Variants in NRG3 observed in about 807,000 individuals in gnomAD.
The protein encoded by NRG3 is pro-neuregulin-3, membrane-bound isoform.
Under a neutral mutation model 66.9 loss-of-function variants are expected in NRG3, and 31 were observed. The ratio of observed to expected loss-of-function variants is 0.46; its 90% CI spans 0.35 to 0.63. The LOEUF (loss-of-function observed/expected upper bound fraction) is 0.63. Ranked by LOEUF, NRG3 falls within the 20% of genes least tolerant of loss-of-function variation. NRG3 has a pLI of 0.00. For missense variants in NRG3, 910 were observed against 878.9 expected (o/e 1.04, Z -0.45); for synonymous variants, 393 against 359.4 (o/e 1.09, Z -1.06).
chr10:81,939,599 G>A (rs1848223480), intron 1 of NRG3, among the ~76,000 whole-genome samples: 1 of 150,616 alleles, frequency 6.6e-6, no homozygotes, highest in Non-Finnish European at 1.5e-5. Context: ...TATTTCTGTG[G>A]CATCAGTTGT....
At chr10:82,245,053 T>A (rs2077174166) in intron 1 of NRG3, among the ~76,000 whole-genome samples, 1 of 152,250 alleles carries the variant, frequency 6.6e-6, no homozygotes, top group South Asian at 2.1e-4. Context: ...TATTGTGCAC[T>A]TTATTTATAT....
intron 2 of NRG3, among the ~76,000 whole-genome samples, chr10:82,736,915 C>T (rs1214534239): frequency 1.3e-5 from 2 of 152,102 alleles, no homozygotes; most frequent in African/African-American, 4.8e-5. Context: ...ATAGCACATA[C>T]GTAGGACGTA....
chr10:81,998,708 T>G (rs992074018), intron 1 of NRG3, among the ~76,000 whole-genome samples: 1 of 152,228 alleles, frequency 6.6e-6, no homozygotes, highest in Admixed American at 6.5e-5. Flanking sequence ...CTCTATGCTT[T>G]CTCTCCTTTT....
intron 1 of NRG3, among the ~76,000 whole-genome samples, chr10:82,209,284 A>G (rs2075281346): frequency 6.6e-6 from 1 of 152,150 alleles, no homozygotes; most frequent in Non-Finnish European, 1.5e-5. Flanking sequence ...ATTTACCAAA[A>G]TCAAGATTCC....
At chr10:82,059,177 G>A (rs1352869422) in intron 1 of NRG3, among the ~76,000 whole-genome samples, 1 of 152,212 alleles carries the variant, frequency 6.6e-6, no homozygotes, top group Non-Finnish European at 1.5e-5. Flanking sequence ...GCATTGAAAG[G>A]TTTGAAACTG....
At chr10:82,779,247 C>A (rs2060024793) in intron 3 of NRG3, among the ~76,000 whole-genome samples, 2 of 152,068 alleles carry the variant, frequency 1.3e-5, no homozygotes, top group African/African-American at 4.8e-5. Flanking sequence ...TATAGGTATC[C>A]ACTGTGGTGA....
intron 6 of NRG3, among the ~76,000 whole-genome samples, chr10:82,964,150 T>G (rs1850957452): frequency 6.6e-6 from 1 of 152,186 alleles, no homozygotes; most frequent in Admixed American, 6.5e-5. Flanking sequence ...TACCAGACAA[T>G]ACCTATTAAG....
chr10:82,775,485 T>C (rs2059879489), intron 3 of NRG3, among the ~76,000 whole-genome samples: 2 of 152,108 alleles, frequency 1.3e-5, no homozygotes, highest in African/African-American at 4.8e-5. Context: ...TAGATATGAT[T>C]TCTATCTACT....
intron 2 of NRG3, among the ~76,000 whole-genome samples, chr10:82,535,576 C>T (rs1847731778): frequency 6.6e-6 from 1 of 152,054 alleles, no homozygotes; most frequent in African/African-American, 2.4e-5. Context: ...AGAAAAACTG[C>T]CTTTGTCGGG....
intron 7 of NRG3, among the ~76,000 whole-genome samples, chr10:82,976,082 G>A (rs914178470): frequency 6.6e-6 from 1 of 152,024 alleles, no homozygotes; most frequent in Admixed American, 6.6e-5. Context: ...TGGAGATAGA[G>A]TCTCGCTCTG....
chr10:82,245,314 C>CTCCTG (rs2077187675), intron 1 of NRG3, among the ~76,000 whole-genome samples: 1 of 152,154 alleles, frequency 6.6e-6, no homozygotes, highest in African/African-American at 2.4e-5. Flanking sequence ...GGAGACGGAG[C>CTCCTG]TCAGGTGGTA....
intron 4 of NRG3, among the ~76,000 whole-genome samples, chr10:82,950,155 G>A (rs895180397): frequency 6.6e-6 from 1 of 152,130 alleles, no homozygotes; most frequent in Non-Finnish European, 1.5e-5. Context: ...AGGCTCCAAG[G>A]TGACTCCAGT....
At chr10:82,886,606 C>T (rs533766200) in intron 4 of NRG3, among the ~76,000 whole-genome samples, 1 of 152,268 alleles carries the variant, frequency 6.6e-6, no homozygotes, top group South Asian at 2.1e-4. Context: ...AGAATATTTC[C>T]ATGAATAGTT....
rs527706514 is a variant in NRG3, at chr10:82,591,262, C to T, written c.954-147315C>T. ...AAACTCAATCCAAAAAATAATATCC[C>T]TAAGAAACAGTACTTTTTGAAGGAT... On this transcript the variant is annotated intron_variant, in intron 2 of 8. Transcript: ENST00000372141. Among the ~76,000 whole-genome samples the T allele has an allele frequency of 2.6e-5, 4 of 152,236 alleles. No homozygotes were observed. The South Asian group carries it at 6.2e-4, about 24-fold the overall frequency.
chr10:82,074,826 G>C (rs1361481794), intron 1 of NRG3, among the ~76,000 whole-genome samples: 1 of 152,194 alleles, frequency 6.6e-6, no homozygotes, highest in Non-Finnish European at 1.5e-5. Context: ...GACAGAGCTA[G>C]ACCCTGTCCC....
intron 2 of NRG3, among the ~76,000 whole-genome samples, chr10:82,616,023 G>A (rs1590885690): frequency 6.6e-6 from 1 of 152,084 alleles, no homozygotes; most frequent in Non-Finnish European, 1.5e-5. Flanking sequence ...CCACACATAC[G>A]CTACACACAC....
chr10:82,801,010 G>A (rs540279030), intron 3 of NRG3, among the ~76,000 whole-genome samples: 1 of 152,292 alleles, frequency 6.6e-6, no homozygotes, highest in Admixed American at 6.5e-5. Flanking sequence ...AAAGGGCAAA[G>A]GCAAGGTTAT....
chr10:82,708,068 G>C (rs1202791363), intron 2 of NRG3, among the ~76,000 whole-genome samples: 1 of 151,822 alleles, frequency 6.6e-6, no homozygotes, highest in African/African-American at 2.4e-5. Flanking sequence ...ACATGTTTGG[G>C]TACTGTTAGT....
At chr10:81,945,219 G>T (rs1363236322) in intron 1 of NRG3, among the ~76,000 whole-genome samples, 1 of 151,954 alleles carries the variant, frequency 6.6e-6, no homozygotes, top group East Asian at 1.9e-4. Context: ...ATTCCTAGAA[G>T]GTCTGGATCG....
Sources: gnomAD v4.1 joint callset for allele counts (sites outside exome capture counted in the v4.1 genomes callset) on GRCh38, gnomAD v4.1.1 for gene constraint, MANE v1.5 for transcripts, NCBI Gene and HGNC (gene_info 2026-07-23, HGNC 2026-07-21) for gene names.